The following RHAG variants were observed in gnomAD, a reference collection of about 807,000 sequenced individuals.
RHAG encodes ammonium transporter Rh type A.
In RHAG, 25 loss-of-function variants were observed where a neutral mutation model predicts 42.4. The ratio of observed to expected loss-of-function variants is 0.59; its 90% CI spans 0.43 to 0.82. The LOEUF (loss-of-function observed/expected upper bound fraction) is 0.82, where lower values mean the gene tolerates loss of function less well. Among genes scored for constraint, RHAG ranks in the 40% least tolerant of loss-of-function variants. The probability of loss-of-function intolerance (pLI) is 0.00; values close to 1 mark genes in which losing one functional copy is unlikely to be tolerated. For missense variants in RHAG, 483 were observed against 504.6 expected (o/e 0.96, Z 0.41); for synonymous variants, 182 against 177.7 (o/e 1.02, Z -0.19).
At chr6:49,616,910 G>A (rs1157565992) in intron 3 of RHAG, among the ~76,000 whole-genome samples, 1 of 152,164 alleles carries the variant, frequency 6.6e-6, no homozygotes, top group Non-Finnish European at 1.5e-5. Context: ...ATGGGAGGTG[G>A]CTATTAATCA....
chr6:49,626,711 T>C (rs1018381938), intron 1 of RHAG, among the ~76,000 whole-genome samples: 2 of 152,228 alleles, frequency 1.3e-5, no homozygotes, highest in Admixed American at 1.3e-4. Flanking sequence ...CCTTCTGCAC[T>C]GCCCTAGCAG....
chr6:49,625,466 G>A (rs764856070), intron 1 of RHAG, among the ~76,000 whole-genome samples: 1 of 152,194 alleles, frequency 6.6e-6, no homozygotes, highest in Non-Finnish European at 1.5e-5. Context: ...AGTTCACACA[G>A]TGCCTATGAC....
intron 2 of RHAG, among the ~76,000 whole-genome samples, chr6:49,618,499 C>T (rs558479947): frequency 6.6e-6 from 1 of 152,274 alleles, no homozygotes; most frequent in East Asian, 1.9e-4. Context: ...AACAAGAATA[C>T]ATGTTTACAT....
intron 3 of RHAG, among the ~76,000 whole-genome samples, chr6:49,616,267 T>A (rs772289275): frequency 2.6e-4 from 39 of 151,196 alleles, no homozygotes; most frequent in Non-Finnish European, 5.6e-4. Flanking sequence ...GGAGAATGAC[T>A]TGAGCCTAGG....
chr6:49,633,061 G>T (rs772241388), intron 1 of RHAG, among the ~76,000 whole-genome samples: 5 of 152,028 alleles, frequency 3.3e-5, no homozygotes, highest in Non-Finnish European at 7.4e-5. Flanking sequence ...CAAACCCAAG[G>T]GTTCTGTAAC....
At chr6:49,620,619 C>T (rs1343679459) in intron 1 of RHAG, among the ~76,000 whole-genome samples, 2 of 151,990 alleles carry the variant, frequency 1.3e-5, no homozygotes, top group Non-Finnish European at 2.9e-5. Flanking sequence ...GCAACCTCCG[C>T]CTCCCAAGTT....
At chr6:49,629,165 T>C (rs1160743855) in intron 1 of RHAG, among the ~76,000 whole-genome samples, 2 of 152,078 alleles carry the variant, frequency 1.3e-5, no homozygotes, top group Non-Finnish European at 2.9e-5. Flanking sequence ...ACAGTGTGGA[T>C]GGCTGCACTC....
At chr6:49,614,976 G>T in intron 4 of RHAG, 123 bp from the exon 5 acceptor site, 1 of 905,028 alleles carries the variant, frequency 1.1e-6, no homozygotes, top group Non-Finnish European at 1.7e-6. Context: ...GAGATGGAGT[G>T]TCCCTCTGTC....
intron 1 of RHAG, among the ~76,000 whole-genome samples, chr6:49,627,831 C>T (rs1762864865): frequency 6.6e-6 from 1 of 152,074 alleles, no homozygotes; most frequent in Admixed American, 6.5e-5. Flanking sequence ...ATCACAAGAA[C>T]AGCACAGGAA....
intron 7 of RHAG, 66 bp from the exon 8 acceptor site, chr6:49,607,286 C>T (rs940251865): frequency 3.1e-6 from 4 of 1,298,854 alleles, no homozygotes; most frequent in Non-Finnish European, 3.3e-6. Flanking sequence ...GTCTCACTCA[C>T]TGAGGGTGTG....
chr6:49,616,544 C>T (rs62412397), intron 3 of RHAG, among the ~76,000 whole-genome samples: 7,527 of 152,082 alleles, frequency 0.049, 268 homozygotes, highest in South Asian at 0.1. Flanking sequence ...CCCAGATTCA[C>T]TTCAAGAGAT....
intron 7 of RHAG, 81 bp from the exon 8 acceptor site, chr6:49,607,301 A>G: frequency 9.5e-7 from 1 of 1,052,310 alleles, no homozygotes. Context: ...GGTGTGGATG[A>G]CTGCCATCTT....
At chr6:49,634,517 A>T (rs1265388897) in intron 1 of RHAG, among the ~76,000 whole-genome samples, 1 of 152,150 alleles carries the variant, frequency 6.6e-6, no homozygotes, top group Non-Finnish European at 1.5e-5. Flanking sequence ...CTGCACTCTT[A>T]TGTTTATTGC....
At chr6:49,611,262 A>C in intron 6 of RHAG, 117 bp from the exon 7 acceptor site, 4 of 772,062 alleles carry the variant, frequency 5.2e-6, no homozygotes, top group African/African-American at 1.8e-5. Flanking sequence ...TTTATAAATA[A>C]TTTTTATGTA....
intron 1 of RHAG, among the ~76,000 whole-genome samples, chr6:49,629,889 G>A (rs965742025): frequency 5.3e-5 from 8 of 152,246 alleles, no homozygotes; most frequent in South Asian, 2.1e-4. Flanking sequence ...CAGCTGGCCC[G>A]CAAGAGCCGC....
At position 49,612,382 on chromosome 6, in the gene RHAG, A is replaced by G. The variant is rs976085895; in HGVS notation, c.945+15T>C. ...GCAGATTCAGAGTTTGACTCAGAAC[A>G]TCTGCTGTACTTACAGTCAGGAACT... On this transcript the variant is annotated intron_variant, in intron 6 of 9. Transcript: ENST00000371175. 1 of 1,613,996 alleles carries G rather than the reference A, an allele frequency of 6.2e-7. No homozygotes were observed. The highest frequency in any genetic ancestry group is 8.5e-7 in the Non-Finnish European group (1 of 1,179,830).
At chr6:49,608,861 T>A (rs1348213737) in intron 7 of RHAG, among the ~76,000 whole-genome samples, 1 of 152,200 alleles carries the variant, frequency 6.6e-6, no homozygotes, top group Non-Finnish European at 1.5e-5. Context: ...GTTGAGTATT[T>A]TATATATACT....
At chr6:49,634,077 G>A (rs903632448) in intron 1 of RHAG, among the ~76,000 whole-genome samples, 1 of 152,098 alleles carries the variant, frequency 6.6e-6, no homozygotes, top group Non-Finnish European at 1.5e-5. Flanking sequence ...AGCAAATCAT[G>A]TTATTCAGGA....
intron 2 of RHAG, 142 bp from the exon 3 acceptor site, chr6:49,618,360 T>C: frequency 1.2e-6 from 1 of 814,218 alleles, no homozygotes. Flanking sequence ...CTCCTCTTTT[T>C]GACCAGACAC....
Sources: gnomAD v4.1 joint callset for allele counts (sites outside exome capture counted in the v4.1 genomes callset) on GRCh38, gnomAD v4.1.1 for gene constraint, MANE v1.5 for transcripts, NCBI Gene and HGNC (gene_info 2026-07-23, HGNC 2026-07-21) for gene names.